PRKCE: variants seen among roughly 807,000 people sequenced by gnomAD.
The protein encoded by PRKCE is protein kinase C epsilon, also known as protein kinase C epsilon type.
In PRKCE, 16 loss-of-function variants were observed where a neutral mutation model predicts 85.4. That is an observed-to-expected ratio of 0.19 (90% CI 0.13 to 0.28). PRKCE has a LOEUF of 0.28. Ranked by LOEUF, PRKCE falls within the 10% of genes least tolerant of loss-of-function variation. The pLI is 1.00. For missense variants in PRKCE, 573 were observed against 975.2 expected (o/e 0.59, Z 5.49); for synonymous variants, 388 against 371.5 (o/e 1.04, Z -0.51).
chr2:45,687,585 A>G (rs565125960), intron 1 of PRKCE, among the ~76,000 whole-genome samples: 7 of 152,296 alleles, frequency 4.6e-5, no homozygotes, highest in Middle Eastern at 3.4e-3. Context: ...AGAAATATTT[A>G]TGTGTGAAGA....
At chr2:45,762,956 C>CTCTTTTCTTCT (rs1684631337) in intron 1 of PRKCE, among the ~76,000 whole-genome samples, 2 of 135,398 alleles carry the variant, frequency 1.5e-5, no homozygotes, top group African/African-American at 5.8e-5. Flanking sequence ...TTCTTTTCTT[C>CTCTTTTCTTCT]TTTTTTTTTT....
At chr2:45,799,762 A>G (rs6743144) in intron 1 of PRKCE, among the ~76,000 whole-genome samples, 92,472 of 151,954 alleles carry the variant, frequency 0.61, 29,633 homozygotes, top group African/African-American at 0.81. Context: ...CACACATTTA[A>G]TTTGTACAAG....
intron 11 of PRKCE, among the ~76,000 whole-genome samples, chr2:46,115,580 C>T (rs1672690585): frequency 6.6e-6 from 1 of 152,190 alleles, no homozygotes; most frequent in African/African-American, 2.4e-5. Flanking sequence ...TGTGTATATA[C>T]AACATGGTAT....
At chr2:45,667,237 G>A (rs957597135) in intron 1 of PRKCE, among the ~76,000 whole-genome samples, 1 of 151,288 alleles carries the variant, frequency 6.6e-6, no homozygotes, top group African/African-American at 2.4e-5. Flanking sequence ...CTTGAACCCT[G>A]GAGGGGGAGG....
chr2:45,795,467 C>A (rs1226009776), intron 1 of PRKCE, among the ~76,000 whole-genome samples: 11 of 152,104 alleles, frequency 7.2e-5, no homozygotes, highest in Non-Finnish European at 7.4e-5. Context: ...CACCACCACG[C>A]CTGGCTAATT....
intron 10 of PRKCE, among the ~76,000 whole-genome samples, chr2:46,012,348 T>C (rs1705759427): frequency 2.0e-5 from 3 of 151,806 alleles, no homozygotes; most frequent in Non-Finnish European, 4.4e-5. Context: ...AGTGAGAAAA[T>C]TGGGTTTCAG....
intron 1 of PRKCE, among the ~76,000 whole-genome samples, chr2:45,760,035 G>A (rs1684332399): frequency 6.6e-6 from 1 of 152,222 alleles, no homozygotes; most frequent in Non-Finnish European, 1.5e-5. Context: ...GCATTTGAAA[G>A]TGCTGCAGGA....
At chr2:46,161,694 G>A (rs914524978) in intron 14 of PRKCE, among the ~76,000 whole-genome samples, 2 of 152,062 alleles carry the variant, frequency 1.3e-5, no homozygotes, top group African/African-American at 4.8e-5. Flanking sequence ...GAGAGGCCAC[G>A]AGGTGGGAAG....
intron 11 of PRKCE, among the ~76,000 whole-genome samples, chr2:46,135,743 ATGCTTTT>A (rs1674910141): frequency 4.6e-5 from 1 of 21,954 alleles, no homozygotes; most frequent in Non-Finnish European, 8.0e-5. Context: ...GAAACAAATT[ATGCTTTT>A]TTTTTTTTTT....
At chr2:46,128,230 A>C (rs181112354) in intron 11 of PRKCE, among the ~76,000 whole-genome samples, 185 of 152,302 alleles carry the variant, frequency 1.2e-3, no homozygotes, top group African/African-American at 4.1e-3. Context: ...CAGTCAACAA[A>C]AAAAAAAGAG....
chr2:45,686,419 G>T (rs957230622), intron 1 of PRKCE: 3 of 152,122 alleles, frequency 2.0e-5, no homozygotes, highest in African/African-American at 7.2e-5. Context: ...GATGCACTTG[G>T]ACAAAAGAGA....
rs538786259 is a variant in PRKCE at position 46,130,430 on chromosome 2, T to C, written c.1593-14663T>C. Among the ~76,000 whole-genome samples, 15 of 152,292 alleles carry C rather than the reference T, an allele frequency of 9.8e-5. 1 individual carries two copies. The South Asian group carries it at 3.1e-3, about 32-fold the overall frequency. On this transcript the variant is annotated intron_variant, in intron 11 of 14. Coordinates refer to ENST00000306156, the MANE Select transcript of PRKCE (RefSeq NM_005400.3). ...TGATTAATATAACATGACATAGATA[T>C]ATAGAAACGTTGAGAGTTACATGTT... is the stretch of plus-strand genomic sequence containing the variant.
chr2:45,962,804 G>C (rs1701468535), intron 2 of PRKCE, among the ~76,000 whole-genome samples: 1 of 152,128 alleles, frequency 6.6e-6, no homozygotes, highest in African/African-American at 2.4e-5. Context: ...CTGTGTGCAT[G>C]TGCGTGTCAG....
At chr2:45,983,845 C>T (rs1329656820) in intron 5 of PRKCE, among the ~76,000 whole-genome samples, 2 of 152,142 alleles carry the variant, frequency 1.3e-5, no homozygotes, top group African/African-American at 4.8e-5. Flanking sequence ...AGTTTACACG[C>T]TGCTGCACAG....
At chr2:46,082,372 G>T (rs1442186756) in intron 10 of PRKCE, among the ~76,000 whole-genome samples, 1 of 152,302 alleles carries the variant, frequency 6.6e-6, no homozygotes, top group East Asian at 1.9e-4. Context: ...CTTGGTGAGG[G>T]CTGAGGGAGA....
chr2:45,845,200 G>T (rs1463867426), intron 2 of PRKCE, among the ~76,000 whole-genome samples: 1 of 151,418 alleles, frequency 6.6e-6, no homozygotes, highest in Non-Finnish European at 1.5e-5. Flanking sequence ...CAGTCCTGTT[G>T]CTGGGACTGT....
chr2:45,686,337 G>C (rs551618987), intron 1 of PRKCE: 5 of 152,164 alleles, frequency 3.3e-5, no homozygotes, highest in African/African-American at 9.7e-5. Flanking sequence ...GGCTTAGGGG[G>C]TCATGCTGCC....
intron 11 of PRKCE, among the ~76,000 whole-genome samples, chr2:46,116,568 G>A (rs1302124616): frequency 6.6e-6 from 1 of 152,152 alleles, no homozygotes; most frequent in Non-Finnish European, 1.5e-5. Flanking sequence ...TCTACTGTCC[G>A]CCCTTAACTG....
intron 10 of PRKCE, among the ~76,000 whole-genome samples, chr2:46,056,118 C>T (rs529039111): frequency 6.6e-6 from 1 of 152,268 alleles, no homozygotes; most frequent in African/African-American, 2.4e-5. Context: ...CAAGCTGTTT[C>T]GAGGACTGAA....
Sources: allele counts gnomAD v4.1 joint callset (sites outside exome capture counted in the v4.1 genomes callset), GRCh38; gene constraint gnomAD v4.1.1; transcripts MANE v1.5; gene names NCBI Gene and HGNC (gene_info 2026-07-23, HGNC 2026-07-21).